The following TNRC6A variants were observed in gnomAD, a reference collection of about 807,000 sequenced individuals.
The protein encoded by TNRC6A is trinucleotide repeat-containing gene 6A protein.
A neutral mutation model predicts 221.2 loss-of-function variants in TNRC6A; 44 were observed. The observed-to-expected ratio is 0.20, with a 90% CI of 0.16 to 0.26. The LOEUF is 0.26. Among genes scored for constraint, TNRC6A ranks in the 10% least tolerant of loss-of-function variants. The pLI is 1.00. For missense variants in TNRC6A, 2,199 were observed against 2,404.4 expected, an observed-to-expected ratio of 0.91 and a Z score of 1.79; for synonymous variants, 847 against 838.5, an observed-to-expected ratio of 1.01 and a Z score of -0.18.
At position 24,805,842 on chromosome 16, in the gene TNRC6A, A is replaced by G. The variant is rs558736247; in HGVS notation, c.4251+109A>G. 32 of 1,386,228 alleles carry G rather than the reference A, an allele frequency of 2.3e-5. 1 individual carries two copies. The highest frequency in any genetic ancestry group is 2.1e-4 in the South Asian group (16 of 76,474). The allele number at this position is 1,386,228 out of a possible 1,614,324, so 85.9% of individuals were successfully genotyped here. A position where few individuals can be genotyped will look rare whatever the true frequency, so the allele number is the denominator to read the frequency against. ...TGCACTAAACAAAACAGGCGTAGTC[A>G]TAGTCCTCATGGAGCTTACAGTCTA... On this transcript the variant is annotated intron_variant, in intron 15 of 24. Transcript: ENST00000395799.
At chr16:24,671,631 C>A (rs1234996449) in intron 2 of TNRC6A, among the ~76,000 whole-genome samples, 3 of 152,152 alleles carry the variant, frequency 2.0e-5, no homozygotes, top group Admixed American at 6.5e-5. Flanking sequence ...GGAAATCGAG[C>A]CTAGAAAACA....
intron 1 of TNRC6A, among the ~76,000 whole-genome samples, chr16:24,620,348 A>G (rs944218606): frequency 2.6e-5 from 4 of 152,180 alleles, no homozygotes; most frequent in Non-Finnish European, 5.9e-5. Context: ...ACCTGACCAC[A>G]TGGGAAGGTC....
chr16:24,710,055 G>A (rs1353272014), intron 2 of TNRC6A, among the ~76,000 whole-genome samples: 7 of 151,128 alleles, frequency 4.6e-5, no homozygotes, highest in African/African-American at 1.2e-4. Flanking sequence ...TGGAAAAACC[G>A]TCTCTACTCA....
chr16:24,794,137 A>G (rs2058170113), intron 7 of TNRC6A, among the ~76,000 whole-genome samples: 1 of 152,228 alleles, frequency 6.6e-6, no homozygotes, highest in African/African-American at 2.4e-5. Flanking sequence ...TGAAGATAAG[A>G]TGCTTTCTGC....
At chr16:24,795,462 A>G (rs2058199305) in intron 8 of TNRC6A, among the ~76,000 whole-genome samples, 1 of 152,092 alleles carries the variant, frequency 6.6e-6, no homozygotes, top group Admixed American at 6.5e-5. Flanking sequence ...TTTTCAAAAT[A>G]TGTGCCCAGT....
chr16:24,744,651 T>G (rs1776222786), intron 2 of TNRC6A, among the ~76,000 whole-genome samples: 1 of 152,202 alleles, frequency 6.6e-6, no homozygotes, highest in Non-Finnish European at 1.5e-5. Flanking sequence ...CATACTGTCA[T>G]CTGGATCCTT....
chr16:24,649,073 GA>G (rs1462292054), intron 2 of TNRC6A, among the ~76,000 whole-genome samples: 1 of 151,842 alleles, frequency 6.6e-6, no homozygotes, highest in African/African-American at 2.4e-5. Context: ...TTGAGCCCAG[GA>G]GTTTGAAATC....
rs1280050363 is a variant in TNRC6A at position 24,823,526 on chromosome 16, C to T, written c.5608C>T (p.Pro1870Ser). 2.5e-6 allele frequency: 4 copies of T among 1,614,078 alleles called. No homozygotes were observed. Among genetic ancestry groups the T allele is most frequent in the East Asian group, 2.2e-5 (1 of 44,890 alleles). ...FAQSQSLTPS[P>S]GWQSLGSSQS... ...ACAAAGCCAGTCTCTGACCCCTTCT[C>T]CCGGCTGGCAGTCTCTCGGGTCCAG... Residue 1870 changes from proline to serine, a missense_variant, in exon 25 of 25, where the codon CCC becomes TCC. Around this residue, in one of 8 missense-constraint regions of TNRC6A, gnomAD observed 20 missense variants for 25.6 expected, o/e 0.78. Transcript: ENST00000395799. The surrounding 1 kb of genome is among the most constrained non-coding windows in gnomAD (Gnocchi z 4.3).
chr16:24,812,121 C>T (rs921316711), intron 18 of TNRC6A, among the ~76,000 whole-genome samples: 11 of 137,100 alleles, frequency 8.0e-5, no homozygotes, highest in Non-Finnish European at 1.4e-4. Context: ...CAAATCTCTG[C>T]TCACTGCAAC....
chr16:24,709,694 A>C (rs1049455531), intron 2 of TNRC6A, among the ~76,000 whole-genome samples: 5 of 151,338 alleles, frequency 3.3e-5, no homozygotes, highest in Non-Finnish European at 7.4e-5. Context: ...GCATGGTGGC[A>C]CAAGCCTGTA....
rs920205343 is a variant in TNRC6A, at chr16:24,729,706, C to G, written c.-136C>G. ...GTGTCGGCGGCGGCGGCGGCGGCGG[C>G]GGCGGCGGCGGCAGCGGGTCGGTGT... On this transcript the variant is annotated 5_prime_UTR_variant, in exon 1 of 25. Transcript: ENST00000395799. 3 of 1,077,582 alleles carry G rather than the reference C, an allele frequency of 2.8e-6. No homozygotes were observed. In the African/African-American group the frequency reaches 5.1e-5, roughly 18 times the overall value. 66.8% of individuals were successfully genotyped at this position (1,077,582 alleles called of 1,614,324 possible).
chr16:24,649,041 G>A (rs1318296513), intron 2 of TNRC6A, among the ~76,000 whole-genome samples: 1 of 152,010 alleles, frequency 6.6e-6, no homozygotes, highest in African/African-American at 2.4e-5. Flanking sequence ...AACACTTTGG[G>A]GGACTGAGGC....
rs2056064072 is a variant in TNRC6A at position 24,704,748 on chromosome 16, A to ACTCACT, written n.403-45977_403-45972dup. Among the ~76,000 whole-genome samples the ACTCACT allele has an allele frequency of 4.6e-5, 7 of 151,088 alleles. No individual in the cohort carries two copies. The South Asian group carries it at 1.5e-3, about 32-fold the overall frequency. On this transcript the variant is annotated intron_variant and non_coding_transcript_variant, in intron 2 of 2. Transcript: ENST00000566108. ...GTATAAGGGGGTATATTATTTACGT[A>ACTCACT]CTCACTTTTGTAGCAAATCCCCCAG...
chr16:24,793,220 CA>C (rs922913913), intron 6 of TNRC6A: 9 of 276,960 alleles, frequency 3.2e-5, no homozygotes, highest in Non-Finnish European at 5.3e-5. Context: ...CATAACTATG[CA>C]AAAATCAGCT....
intron 2 of TNRC6A, among the ~76,000 whole-genome samples, chr16:24,672,509 A>C (rs2055327164): frequency 1.3e-5 from 2 of 151,172 alleles, no homozygotes; most frequent in South Asian, 4.2e-4. Flanking sequence ...TGGTGTGATC[A>C]CGGCTCACTG....
Position 24,729,749 on chromosome 16 carries a change from C to A in TNRC6A, c.-93C>A. 1 of 1,303,308 alleles carries A rather than the reference C, an allele frequency of 7.7e-7. No individual in the cohort carries two copies. The highest frequency in any genetic ancestry group is 9.8e-7 in the Non-Finnish European group (1 of 1,020,072). The allele number at this position is 1,303,308 out of a possible 1,614,324, so 80.7% of individuals were successfully genotyped here. On this transcript the variant is annotated 5_prime_UTR_variant, in exon 1 of 25. Transcript: ENST00000395799. ...GTCGGTGTAGAAAATGGCGCTGGTG[C>A]AGCGGCTCGGGCCTCTCCCCGCGGC...
chr16:24,680,834 A>G (rs1023532237), intron 2 of TNRC6A, among the ~76,000 whole-genome samples: 2 of 151,704 alleles, frequency 1.3e-5, no homozygotes, highest in African/African-American at 4.8e-5. Context: ...ATTTCAGCTC[A>G]CTGCAACCAA....
chr16:24,730,904 T>TA (rs2056623683), intron 2 of TNRC6A, among the ~76,000 whole-genome samples: 1 of 151,914 alleles, frequency 6.6e-6, no homozygotes, highest in African/African-American at 2.4e-5. Context: ...GTAAAATAAT[T>TA]AAAAATCTTT....
intron 2 of TNRC6A, among the ~76,000 whole-genome samples, chr16:24,682,156 A>T (rs960579740): frequency 6.6e-6 from 1 of 152,148 alleles, no homozygotes; most frequent in Non-Finnish European, 1.5e-5. Flanking sequence ...ATTAATGTAA[A>T]CAAAGAATGC....
Sources: gnomAD v4.1 joint callset for allele counts (sites outside exome capture counted in the v4.1 genomes callset) on GRCh38, gnomAD v4.1.1 for gene constraint, gnomAD v4.1.1 regional missense constraint, Gnocchi (gnomAD v3.1) non-coding constraint, MANE v1.5 for transcripts, NCBI Gene and HGNC (gene_info 2026-07-23, HGNC 2026-07-21) for gene names.